PRDM10: variants seen among roughly 807,000 people sequenced by gnomAD.
PRDM10 encodes PR domain zinc finger protein 10.
A neutral mutation model predicts 133.1 loss-of-function variants in PRDM10; 65 were observed. The ratio of observed to expected loss-of-function variants is 0.49; its 90% CI spans 0.40 to 0.60. The LOEUF (loss-of-function observed/expected upper bound fraction) is 0.60, where lower values mean the gene tolerates loss of function less well. Among genes scored for constraint, PRDM10 ranks in the 20% least tolerant of loss-of-function variants. PRDM10 has a pLI of 0.00. For synonymous variants in PRDM10, 582 were observed against 580.4 expected (o/e 1.00, Z -0.04); for missense variants, 1,137 against 1,507.1 (o/e 0.75, Z 4.07).
intron 1 of PRDM10, among the ~76,000 whole-genome samples, chr11:129,970,507 T>C (rs1951996249): frequency 6.6e-6 from 1 of 151,936 alleles, no homozygotes; most frequent in African/African-American, 2.4e-5. Context: ...CCAGTATAAA[T>C]GACTCCACTA....
At chr11:129,996,058 A>T (rs1591709882) in intron 1 of PRDM10, among the ~76,000 whole-genome samples, 1 of 152,348 alleles carries the variant, frequency 6.6e-6, no homozygotes, top group South Asian at 2.1e-4. Flanking sequence ...GAATCCAGTA[A>T]GTAAAAGGCA....
At chr11:129,961,371 C>T (rs935038903) in intron 1 of PRDM10, among the ~76,000 whole-genome samples, 6 of 151,666 alleles carry the variant, frequency 4.0e-5, no homozygotes, top group African/African-American at 1.5e-4. Context: ...GTGGCACAAT[C>T]TAGGCTCACT....
At chr11:129,985,771 A>C in intron 1 of PRDM10, among the ~76,000 whole-genome samples, 1 of 126,950 alleles carries the variant, frequency 7.9e-6, no homozygotes, top group Non-Finnish European at 1.6e-5. Context: ...GACAAAGACA[A>C]ACCCTGTCCA....
chr11:129,977,222 C>A (rs528121795), intron 1 of PRDM10, among the ~76,000 whole-genome samples: 1 of 150,064 alleles, frequency 6.7e-6, no homozygotes, highest in East Asian at 2.0e-4. Context: ...GCTACTAAAG[C>A]CTAGAAATTG....
intron 1 of PRDM10, among the ~76,000 whole-genome samples, chr11:130,002,136 G>C (rs1262921759): frequency 1.3e-5 from 2 of 149,304 alleles, no homozygotes; most frequent in African/African-American, 4.9e-5. Context: ...GCCACCCCCA[G>C]CCCGGCGCCC....
At chr11:129,988,416 G>C (rs970187236) in intron 1 of PRDM10, among the ~76,000 whole-genome samples, 2 of 152,094 alleles carry the variant, frequency 1.3e-5, no homozygotes, top group Non-Finnish European at 1.5e-5. Flanking sequence ...ATTGTGGGTA[G>C]AGACGGGGTT....
intron 4 of PRDM10, among the ~76,000 whole-genome samples, chr11:129,953,826 CAA>C (rs10542747): frequency 0.19 from 14,032 of 73,100 alleles, 874 homozygotes; most frequent in East Asian, 0.5. Context: ...TTTATAGTAG[CAA>C]AAAAAAAAAA....
rs376494991 is a variant in PRDM10, at chr11:129,940,123, G to C, written c.966+2303C>G. Among the ~76,000 whole-genome samples the C allele has an allele frequency of 5.3e-5, 8 of 152,198 alleles. No individual in the cohort carries two copies. In the East Asian group the frequency reaches 1.2e-3, roughly 22 times the overall value. ...ACCTCAACCAATTTATTTTGCTTCAGTGTGTCTTTTTATGAATGCACAAGT... is the reference window on the plus strand; with the variant it reads ...ACCTCAACCAATTTATTTTGCTTCACTGTGTCTTTTTATGAATGCACAAGT... On this transcript the variant is annotated intron_variant, in intron 7 of 20. Coordinates refer to ENST00000360871, the MANE Select transcript of PRDM10 (RefSeq NM_199437.2).
At position 129,985,840 on chromosome 11, in the gene PRDM10, A is replaced by G. The variant is rs73579258; in HGVS notation, c.-119+16882T>C. Reference sequence around the variant, plus strand: ...TATATATATATATATATATGTATATATAGTAATAAAAGAAATTCTTTAATA... The same window carrying G: ...TATATATATATATATATATGTATATGTAGTAATAAAAGAAATTCTTTAATA... On this transcript the variant is annotated intron_variant, in intron 1 of 20. Transcript: ENST00000360871. Among the ~76,000 whole-genome samples, 455 of 140,710 alleles carry G rather than the reference A, an allele frequency of 3.2e-3. 4 individuals carry two copies. Among genetic ancestry groups the G allele is most frequent in the African/African-American group, 0.011 (427 of 38,806 alleles). 92.3% of individuals were successfully genotyped at this position (140,710 alleles called of 152,430 possible).
intron 1 of PRDM10, among the ~76,000 whole-genome samples, chr11:129,998,225 T>C (rs1036979839): frequency 6.6e-6 from 1 of 152,194 alleles, no homozygotes; most frequent in African/African-American, 2.4e-5. Context: ...ATTTCACACT[T>C]CACAGCACTG....
intron 1 of PRDM10, among the ~76,000 whole-genome samples, chr11:129,993,938 T>C (rs1266060497): frequency 6.6e-6 from 1 of 152,230 alleles, no homozygotes; most frequent in Non-Finnish European, 1.5e-5. Flanking sequence ...ATTAGATCTA[T>C]AAATCAGTTT....
At chr11:129,972,571 A>G (rs1952055741) in intron 1 of PRDM10, among the ~76,000 whole-genome samples, 1 of 152,194 alleles carries the variant, frequency 6.6e-6, no homozygotes, top group Non-Finnish European at 1.5e-5. Context: ...ATTTTATAAA[A>G]TCACGTCAAG....
Position 129,928,755 on chromosome 11 carries a change from T to C in PRDM10, c.1530+2261A>G, listed in dbSNP as rs571854288. Reference sequence around the variant, plus strand: ...ATTTTCTGCCCACTTTGAAAGCCTTTGGTTGGCCAGCCCTGCCCAACTCGG... The same window carrying C: ...ATTTTCTGCCCACTTTGAAAGCCTTCGGTTGGCCAGCCCTGCCCAACTCGG... On this transcript the variant is annotated intron_variant, in intron 11 of 20. Transcript: ENST00000360871. 1.5e-4 allele frequency among the ~76,000 whole-genome samples: 23 copies of C among 152,286 alleles called. No individual in the cohort carries two copies. In the South Asian group the frequency reaches 4.3e-3, roughly 29 times the overall value.
At chr11:130,002,673 TA>T (rs1939496269) in intron 1 of PRDM10, 48 bp downstream of exon 1, 1 of 153,544 alleles carries the variant, frequency 6.5e-6, no homozygotes, top group African/African-American at 2.4e-5. Flanking sequence ...GTCTATGGGG[TA>T]GTCTGGACCC....
At chr11:129,912,263 T>C (rs1325781743) in intron 17 of PRDM10, 38 bp from the exon 18 acceptor site, 2 of 1,451,428 alleles carry the variant, frequency 1.4e-6, no homozygotes, top group African/African-American at 1.4e-5. Flanking sequence ...ACCAGACATA[T>C]ATTGATTGAA....
chr11:129,989,477 A>G (rs756345022), intron 1 of PRDM10, among the ~76,000 whole-genome samples: 2 of 152,196 alleles, frequency 1.3e-5, no homozygotes, highest in Non-Finnish European at 2.9e-5. Flanking sequence ...CCATGCACCC[A>G]ACACTATTTA....
intron 10 of PRDM10, among the ~76,000 whole-genome samples, chr11:129,931,857 T>C (rs528828656): frequency 1.3e-5 from 2 of 152,320 alleles, no homozygotes; most frequent in South Asian, 2.1e-4. Context: ...CATGAGCCAC[T>C]GCGCCTGGCC....
rs147392326 is a variant in PRDM10, at chr11:129,918,249, A to C, written c.2214+290T>G. ...AAATAAGGTGAGAGCAGAGATTGAG[A>C]TGGGTAAAGAAAAACAAAAGTAGTA... On this transcript the variant is annotated intron_variant, in intron 14 of 20. Transcript: ENST00000360871. This position sits in a 1 kb window ranked among gnomAD's most constrained non-coding sequence, Gnocchi z 5.3. Among the ~76,000 whole-genome samples the C allele has an allele frequency of 7.3e-3, 1,117 of 151,980 alleles. 21 individuals are homozygous for C. Among genetic ancestry groups the C allele is most frequent in the African/African-American group, 0.025 (1,054 of 41,484 alleles).
At chr11:129,959,957 C>T (rs1591663837) in intron 2 of PRDM10, among the ~76,000 whole-genome samples, 2 of 149,786 alleles carry the variant, frequency 1.3e-5, no homozygotes, top group African/African-American at 4.9e-5. Flanking sequence ...GTCAGGGCCT[C>T]ACTTTGTTGC....
Sources: allele counts gnomAD v4.1 joint callset (sites outside exome capture counted in the v4.1 genomes callset), GRCh38; gene constraint gnomAD v4.1.1; non-coding constraint Gnocchi (gnomAD v3.1); transcripts MANE v1.5; gene names NCBI Gene and HGNC (gene_info 2026-07-23, HGNC 2026-07-21).